Variants in CCPG1 observed in about 807,000 individuals in gnomAD.
CCPG1 encodes cell cycle progression 1.
CCPG1 carries 46 observed loss-of-function variants against 81.3 expected under a neutral mutation model. That is an observed-to-expected ratio of 0.57 (90% CI 0.45 to 0.72). The LOEUF is 0.72. Among genes scored for constraint, CCPG1 ranks in the 30% least tolerant of loss-of-function variants. CCPG1 has a pLI of 0.00. For synonymous variants in CCPG1, 330 were observed against 305.2 expected (o/e 1.08, Z -0.85); for missense variants, 902 against 937.6 (o/e 0.96, Z 0.50).
At chr15:55,366,212 T>G (rs1811007638) in intron 6 of CCPG1, among the ~76,000 whole-genome samples, 1 of 152,198 alleles carries the variant, frequency 6.6e-6, no homozygotes, top group Non-Finnish European at 1.5e-5. Flanking sequence ...GGGGTTATCT[T>G]TTAAGTACAA....
rs565829768 is a variant in CCPG1 at position 55,368,886 on chromosome 15, C to T, written c.706+2907G>A. On this transcript the variant is annotated intron_variant, in intron 6 of 8. Transcript: ENST00000442196. The stretch of plus-strand genomic sequence containing the variant: ...CAGCACTTTGGGAGGCCGAGGCAGG[C>T]GGATCACTTAAGGTCAGGAGTTCGA... 5.1e-3 allele frequency among the ~76,000 whole-genome samples: 779 copies of T among 151,938 alleles called. 2 individuals carry two copies. The highest frequency in any genetic ancestry group is 8.8e-3 in the Non-Finnish European group (599 of 67,940).
At chr15:55,374,260 A>T (rs1339428551) in intron 5 of CCPG1, 38 of 1,272,396 alleles carry the variant, frequency 3.0e-5, no homozygotes, top group Non-Finnish European at 3.5e-5. Context: ...TCTTTTGTGA[A>T]TAAACAGGAA....
In CCPG1 at chr15:55,393,689, G is replaced by C. The variant is rs573589883; in HGVS notation, c.-9-4256C>G. On this transcript the variant is annotated intron_variant, in intron 1 of 8. Coordinates refer to ENST00000442196, the MANE Select transcript of CCPG1 (RefSeq NM_001204450.2). ...CTGTCACTCAGGCTGGAGTACAGTA[G>C]TATGAACACGGCTTGCTGAGATGGG... Among the ~76,000 whole-genome samples, 25 of 152,254 alleles carry C rather than the reference G, an allele frequency of 1.6e-4. No homozygotes were observed. The South Asian group carries it at 5.0e-3, about 30-fold the overall frequency.
chr15:55,403,807 C>T (rs1290358789), intron 1 of CCPG1, among the ~76,000 whole-genome samples: 2 of 152,168 alleles, frequency 1.3e-5, no homozygotes, highest in African/African-American at 2.4e-5. Flanking sequence ...AATTCAGCCT[C>T]CAGCAGTTCT....
rs777099680 is a variant in CCPG1 at position 55,371,966 on chromosome 15, C to T, written c.533G>A (p.Arg178His). ...SNQPSPAFRR[R>H]RARKKTVSAS... is the part of the protein sequence containing the mutation. ...AGAAACGGTCTTCTTCCTAGCACGG[C>T]GTCGTCTAAAGGCAGGACTGGGCTG... is the stretch of plus-strand genomic sequence containing the variant. Residue 178 changes from arginine (R) to histidine (H), a missense_variant, in exon 6 of 9, where the codon CGC becomes CAC. Arg to His is a conservative substitution (Grantham distance 29, BLOSUM62 0). Transcript: ENST00000442196. 3.1e-6 allele frequency: 5 copies of T among 1,613,998 alleles called. No individual in the cohort carries two copies. In the African/African-American group the frequency reaches 4.0e-5, roughly 13 times the overall value.
chr15:55,384,570 A>G (rs74874719), intron 3 of CCPG1, among the ~76,000 whole-genome samples: 7,679 of 152,274 alleles, frequency 0.05, 270 homozygotes, highest in East Asian at 0.16. Context: ...CAGGAGGATA[A>G]CTTGAACCCA....
chr15:55,360,888 G>A lies in CCPG1; in HGVS notation c.885C>T (p.Ser295=), dbSNP rs1380034876. The A allele has an allele frequency of 1.3e-6, 2 of 1,599,010 alleles. No individual in the cohort carries two copies. The highest frequency in any genetic ancestry group is 8.5e-7 in the Non-Finnish European group (1 of 1,175,408). ...CAAGGTTCGTTTTCTGAGTTTCAAA[G>A]GACATCTTCTCTGCTTCAGTAAGTG... ...CWTLTEAEKM[S]FETQKTNLAT... is the part of the protein sequence containing the mutation. Residue 295 remains serine (S), a synonymous_variant, in exon 8 of 9, where the codon TCC becomes TCT. Coordinates refer to ENST00000442196, the MANE Select transcript of CCPG1 (RefSeq NM_001204450.2).
chr15:55,360,323 T>C lies in CCPG1; in HGVS notation c.1450A>G (p.Thr484Ala), dbSNP rs1010848232. Reference sequence around the variant, plus strand: ...GTTTCCTTAACTGAACCCAAAAATGTTTCCTTTGACTTATTTTTAGCCCTG... The same window carrying C: ...GTTTCCTTAACTGAACCCAAAAATGCTTCCTTTGACTTATTTTTAGCCCTG... ...SHRAKNKSKE[T>A]FLGSVKETFD... The change falls in exon 8 of 9, where the codon ACA (threonine) becomes GCA (alanine). Residue 484 changes from threonine (T) to alanine (A), a missense_variant. This residue lies in a region of CCPG1 where 746 missense variants were observed against 728.6 expected (regional missense o/e 1.02). Coordinates refer to ENST00000442196, the MANE Select transcript of CCPG1 (RefSeq NM_001204450.2). 6.8e-6 allele frequency: 11 copies of C among 1,613,694 alleles called. No homozygotes were observed. Among genetic ancestry groups the C allele is most frequent in the Non-Finnish European group, 9.3e-6 (11 of 1,179,970 alleles).
chr15:55,407,814 A>G (rs1400257063), intron 1 of CCPG1: 2 of 152,352 alleles, frequency 1.3e-5, no homozygotes, highest in African/African-American at 4.8e-5. Flanking sequence ...GGCTGGCATT[A>G]AACCCGGCAG....
chr15:55,400,782 G>A (rs1331940628), intron 1 of CCPG1, among the ~76,000 whole-genome samples: 1 of 152,100 alleles, frequency 6.6e-6, no homozygotes, highest in Non-Finnish European at 1.5e-5. Context: ...TGTGCATCTT[G>A]TGTTTACTGG....
intron 1 of CCPG1, among the ~76,000 whole-genome samples, chr15:55,401,637 G>A (rs2057131113): frequency 6.8e-6 from 1 of 147,050 alleles, no homozygotes; most frequent in Non-Finnish European, 1.5e-5. Context: ...TTTCACTCCA[G>A]CCTGGGCGTA....
intron 2 of CCPG1, among the ~76,000 whole-genome samples, chr15:55,387,147 G>A (rs1404199321): frequency 6.6e-6 from 1 of 152,120 alleles, no homozygotes. Context: ...TAGAAGAAGA[G>A]AGATAAAAGT....
chr15:55,357,483 C>G (rs961105267), intron 8 of CCPG1: 2 of 967,314 alleles, frequency 2.1e-6, no homozygotes, highest in Non-Finnish European at 2.5e-6. Context: ...GCTTTACTTT[C>G]TGTGATTGAG....
At chr15:55,396,298 G>A (rs771706638) in intron 1 of CCPG1, among the ~76,000 whole-genome samples, 6 of 152,084 alleles carry the variant, frequency 3.9e-5, no homozygotes, top group Non-Finnish European at 4.4e-5. Flanking sequence ...AGAATTTACA[G>A]GACAGTTACA....
intron 3 of CCPG1, among the ~76,000 whole-genome samples, chr15:55,382,955 C>T (rs1245517067): frequency 1.3e-5 from 2 of 152,128 alleles, no homozygotes; most frequent in African/African-American, 4.8e-5. Context: ...TGACCTTTTC[C>T]CACAAATCAC....
chr15:55,391,887 A>AAAGGGGGG (rs1555409781), intron 1 of CCPG1, among the ~76,000 whole-genome samples: 1 of 44,740 alleles, frequency 2.2e-5, no homozygotes, highest in African/African-American at 7.1e-5. Flanking sequence ...AAAAAAAAAA[A>AAAGGGGGG]GGGGGGGGGG....
At chr15:55,382,172 G>A (rs138530927) in intron 3 of CCPG1, among the ~76,000 whole-genome samples, 2 of 152,244 alleles carry the variant, frequency 1.3e-5, no homozygotes, top group South Asian at 2.1e-4. Context: ...GCAATTTCTT[G>A]AAGTATGACA....
chr15:55,375,191 T>G (rs530753874), intron 5 of CCPG1, among the ~76,000 whole-genome samples: 26 of 152,314 alleles, frequency 1.7e-4, no homozygotes, highest in Non-Finnish European at 3.1e-4. Flanking sequence ...TACAACTTCC[T>G]GAAAAAAGTT....
chr15:55,389,129 G>A (rs1290699045), intron 2 of CCPG1, among the ~76,000 whole-genome samples: 1 of 147,990 alleles, frequency 6.8e-6, no homozygotes, highest in African/African-American at 2.5e-5. Context: ...CACAGGGCCT[G>A]AACAATAACA....
Sources: gnomAD v4.1 joint callset for allele counts (sites outside exome capture counted in the v4.1 genomes callset) on GRCh38, gnomAD v4.1.1 for gene constraint, gnomAD v4.1.1 regional missense constraint, MANE v1.5 for transcripts, NCBI Gene and HGNC (gene_info 2026-07-23, HGNC 2026-07-21) for gene names.